THSD4: variants seen among roughly 807,000 people sequenced by gnomAD.
THSD4 encodes the protein thrombospondin type 1 domain containing 4.
In THSD4, 69 loss-of-function variants were observed where a neutral mutation model predicts 119.0. That is an observed-to-expected ratio of 0.58 (90% confidence interval 0.48 to 0.71). The LOEUF (loss-of-function observed/expected upper bound fraction) is 0.71. Ranked by LOEUF, THSD4 falls within the 30% of genes least tolerant of loss-of-function variation. The probability of loss-of-function intolerance (pLI) is 0.00; values close to 1 mark genes in which losing one functional copy is unlikely to be tolerated. For synonymous variants in THSD4, 524 were observed against 540.4 expected (o/e 0.97, Z 0.42); for missense variants, 1,393 against 1,391.1 (o/e 1.00, Z -0.02).
At chr15:71,668,675 T>C (rs1020602296) in intron 8 of THSD4, among the ~76,000 whole-genome samples, 3 of 152,184 alleles carry the variant, frequency 2.0e-5, no homozygotes, top group Non-Finnish European at 2.9e-5. Flanking sequence ...AAAGGGCAGC[T>C]TGCTGACTGG....
At chr15:71,645,442 A>C (rs2050950541) in intron 7 of THSD4, among the ~76,000 whole-genome samples, 1 of 152,176 alleles carries the variant, frequency 6.6e-6, no homozygotes, top group African/African-American at 2.4e-5. Flanking sequence ...GCATGGGGGA[A>C]ACTGCCCCCA....
intron 7 of THSD4, among the ~76,000 whole-genome samples, chr15:71,437,575 T>C (rs947319523): frequency 6.6e-6 from 1 of 152,006 alleles, no homozygotes; most frequent in Non-Finnish European, 1.5e-5. Context: ...GAGGTGGAGG[T>C]AGGGTAAGGT....
At chr15:71,526,481 T>C (rs1396542260) in intron 7 of THSD4, among the ~76,000 whole-genome samples, 1 of 152,210 alleles carries the variant, frequency 6.6e-6, no homozygotes, top group African/African-American at 2.4e-5. Flanking sequence ...AGGTTTCGTT[T>C]AGTGATTCTT....
At chr15:71,389,706 A>G (rs1159245523) in intron 6 of THSD4, among the ~76,000 whole-genome samples, 2 of 151,350 alleles carry the variant, frequency 1.3e-5, no homozygotes, top group Non-Finnish European at 2.9e-5. Flanking sequence ...AGAAACTGTC[A>G]TACTGCTTTC....
At chr15:71,642,640 G>A (rs1165441043) in intron 7 of THSD4, among the ~76,000 whole-genome samples, 4 of 152,172 alleles carry the variant, frequency 2.6e-5, no homozygotes, top group Non-Finnish European at 5.9e-5. Flanking sequence ...ATGAGTTCAC[G>A]TCCTTTGTAG....
chr15:71,406,778 C>A (rs1258787828), intron 6 of THSD4, among the ~76,000 whole-genome samples: 5 of 151,816 alleles, frequency 3.3e-5, no homozygotes, highest in Admixed American at 3.3e-4. Flanking sequence ...CTCCCGAGTT[C>A]AAGCAATTCT....
intron 6 of THSD4, among the ~76,000 whole-genome samples, chr15:71,373,679 C>T (rs1265316476): frequency 6.6e-6 from 1 of 152,142 alleles, no homozygotes; most frequent in African/African-American, 2.4e-5. Flanking sequence ...CTGACTTGCT[C>T]CTGTCCAAAT....
At chr15:71,120,371 C>G (rs970757728) in intron 1 of THSD4, among the ~76,000 whole-genome samples, 3 of 152,234 alleles carry the variant, frequency 2.0e-5, no homozygotes, top group African/African-American at 7.2e-5. Context: ...CGTCACCCAG[C>G]TGAGTGTACT....
intron 7 of THSD4, among the ~76,000 whole-genome samples, chr15:71,618,367 G>A (rs990336558): frequency 2.6e-5 from 4 of 152,284 alleles, no homozygotes; most frequent in African/African-American, 7.2e-5. Context: ...CAGTTAAAAC[G>A]ACTAAACTAT....
chr15:71,116,033 G>C (rs1439693557), intron 1 of THSD4, among the ~76,000 whole-genome samples: 1 of 152,202 alleles, frequency 6.6e-6, no homozygotes, highest in Non-Finnish European at 1.5e-5. Context: ...TCCCCGGGTC[G>C]GGGCCCCGTG....
chr15:71,758,056 T>C lies in THSD4; in HGVS notation c.2570T>C (p.Phe857Ser). The C allele has an allele frequency of 6.3e-7, 1 of 1,590,668 alleles. No individual in the cohort carries two copies. Among genetic ancestry groups the C allele is most frequent in the Non-Finnish European group, 8.6e-7 (1 of 1,167,856 alleles). ...CCCTGCACGGGCAAGGTGGAGTGGT[T>C]TGCCGGGAGCTGGAGTCAGGTGAGT... ...NGPCTGKVEW[F>S]AGSWSQCSIE... The change falls in exon 15 of 18, where the codon TTT (phenylalanine) becomes TCT (serine). Residue 857 changes from phenylalanine to serine, a missense_variant. Coordinates refer to ENST00000261862, the MANE Select transcript of THSD4 (RefSeq NM_024817.3).
chr15:71,471,152 T>G (rs2140640406), intron 7 of THSD4, among the ~76,000 whole-genome samples: 1 of 152,250 alleles, frequency 6.6e-6, no homozygotes, highest in South Asian at 2.1e-4. Context: ...TTTGCTGCTC[T>G]CCTCCCATCC....
At chr15:71,644,080 A>C (rs2050920920) in intron 7 of THSD4, among the ~76,000 whole-genome samples, 1 of 152,248 alleles carries the variant, frequency 6.6e-6, no homozygotes, top group African/African-American at 2.4e-5. Context: ...TGTCTCATTT[A>C]GCAGACATGA....
At chr15:71,697,342 A>C (rs182590558) in intron 8 of THSD4, among the ~76,000 whole-genome samples, 1 of 152,174 alleles carries the variant, frequency 6.6e-6, no homozygotes, top group African/African-American at 2.4e-5. Context: ...TTGGGGAGTG[A>C]AGGAGCCGGC....
chr15:71,141,389 T>TA, intron 1 of THSD4, 60 bp from the exon 2 acceptor site: 1 of 920,068 alleles, frequency 1.1e-6, no homozygotes, highest in Non-Finnish European at 1.6e-6. Context: ...TTGACCGAGT[T>TA]ACGCTTCTAG....
chr15:71,727,587 TACACACACACACACACAC>T (rs367823728), intron 8 of THSD4, among the ~76,000 whole-genome samples: 211 of 9,272 alleles, frequency 0.023, 2 homozygotes, highest in African/African-American at 0.051. Flanking sequence ...TATATATATA[TACACACACACACACACAC>T]ACACACACAC....
chr15:71,392,246 C>T (rs1468912820), intron 6 of THSD4, among the ~76,000 whole-genome samples: 1 of 152,204 alleles, frequency 6.6e-6, no homozygotes, highest in Non-Finnish European at 1.5e-5. Flanking sequence ...TCTTATAAAG[C>T]TTCCAAATGC....
chr15:71,127,064 T>G (rs758458954), intron 1 of THSD4, among the ~76,000 whole-genome samples: 9 of 152,226 alleles, frequency 5.9e-5, no homozygotes, highest in Non-Finnish European at 1.3e-4. Flanking sequence ...TCTCTACCCT[T>G]TAACCATAAC....
intron 7 of THSD4, among the ~76,000 whole-genome samples, chr15:71,639,772 C>T (rs2050818359): frequency 6.6e-6 from 1 of 151,546 alleles, no homozygotes; most frequent in African/African-American, 2.4e-5. Context: ...CCCTCTTGTT[C>T]CTCAGCTCTT....
Sources: gnomAD v4.1 joint callset for allele counts (sites outside exome capture counted in the v4.1 genomes callset) on GRCh38, gnomAD v4.1.1 for gene constraint, MANE v1.5 for transcripts, NCBI Gene and HGNC (gene_info 2026-07-23, HGNC 2026-07-21) for gene names.